CLIC5: variants seen among roughly 807,000 people sequenced by gnomAD.
CLIC5 encodes CLIC family member 5.
Under a neutral mutation model 24.7 loss-of-function variants are expected in CLIC5, and 20 were observed. The ratio of observed to expected loss-of-function variants is 0.81; its 90% confidence interval spans 0.57 to 1.18. The LOEUF (loss-of-function observed/expected upper bound fraction) is 1.18. Among genes scored for constraint, CLIC5 ranks in the 50% most tolerant of loss-of-function variants. The pLI is 0.00. For missense variants in CLIC5, 341 were observed against 326.1 expected (o/e 1.05, Z -0.35); for synonymous variants, 159 against 135.6 (o/e 1.17, Z -1.20).
Position 45,956,345 on chromosome 6 carries a change from T to TG in CLIC5, c.64-1102dup, listed in dbSNP as rs199568476. On this transcript the variant is annotated intron_variant, in intron 1 of 5. Coordinates refer to ENST00000339561, the MANE Select transcript of CLIC5 (RefSeq NM_016929.5). ...CTGATGTTGGCTGCCCTGGAAACCATGGCCCCCGCAGGTGGCCTGGCAGGG... is the reference window on the plus strand; with the variant it reads ...CTGATGTTGGCTGCCCTGGAAACCATGGGCCCCCGCAGGTGGCCTGGCAGGG... 1.9e-3 allele frequency among the ~76,000 whole-genome samples: 294 copies of TG among 152,264 alleles called. 10 individuals carry two copies. The East Asian group carries it at 0.052, about 27-fold the overall frequency.
At chr6:45,967,119 C>T (rs1053364441) in intron 1 of CLIC5, among the ~76,000 whole-genome samples, 2 of 152,222 alleles carry the variant, frequency 1.3e-5, no homozygotes, top group South Asian at 2.1e-4. Flanking sequence ...GCAGGGTCCT[C>T]ATAAGGTCCT....
intron 1 of CLIC5, among the ~76,000 whole-genome samples, chr6:45,958,419 C>T (rs1764716871): frequency 1.5e-5 from 1 of 66,962 alleles, no homozygotes; most frequent in African/African-American, 6.1e-5. Context: ...GTCAAAAAGA[C>T]AATTATATAT....
upstream of CLIC5, among the ~76,000 whole-genome samples, chr6:46,083,008 T>A (rs1762956616): frequency 6.6e-6 from 1 of 152,222 alleles, no homozygotes; most frequent in Admixed American, 6.5e-5. Context: ...TGAATACGTA[T>A]TTGTTGAATG....
the CLIC5 span, among the ~76,000 whole-genome samples, chr6:46,115,210 A>G: frequency 1.3e-4 from 20 of 152,294 alleles, no homozygotes; most frequent in South Asian, 4.1e-3. Context: ...CAATGACACC[A>G]CTATCATCCA....
At chr6:45,981,805 A>T (rs1765576999) in intron 1 of CLIC5, among the ~76,000 whole-genome samples, 1 of 152,134 alleles carries the variant, frequency 6.6e-6, no homozygotes. Context: ...CAAGATCAGC[A>T]TGGCCAACAT....
At chr6:45,959,088 C>G (rs577579818) in intron 1 of CLIC5, among the ~76,000 whole-genome samples, 6 of 152,272 alleles carry the variant, frequency 3.9e-5, no homozygotes, top group African/African-American at 1.4e-4. Context: ...TGTGAATGAC[C>G]TTAGATAAGT....
intron 6 of CLIC5, among the ~76,000 whole-genome samples, chr6:45,891,019 C>T (rs138509971): frequency 6.6e-6 from 1 of 151,950 alleles, no homozygotes; most frequent in Non-Finnish European, 1.5e-5. Flanking sequence ...CACAGCACAA[C>T]GATTATAGTT....
At chr6:46,027,768 C>T (rs1055803408) in intron 1 of CLIC5, among the ~76,000 whole-genome samples, 3 of 152,072 alleles carry the variant, frequency 2.0e-5, no homozygotes, top group African/African-American at 7.2e-5. Context: ...CTCAAAATTC[C>T]TCACACTTGG....
intron 4 of CLIC5, among the ~76,000 whole-genome samples, chr6:45,923,561 T>G (rs113134918): frequency 6.6e-6 from 1 of 152,236 alleles, no homozygotes; most frequent in Non-Finnish European, 1.5e-5. Flanking sequence ...GCCCATTCTT[T>G]TATTTGTTAA....
intron 1 of CLIC5, among the ~76,000 whole-genome samples, chr6:46,043,591 T>A (rs530836652): frequency 6.6e-6 from 1 of 152,174 alleles, no homozygotes; most frequent in Non-Finnish European, 1.5e-5. Context: ...GTGGAGAAAG[T>A]TGTTTCAAAG....
chr6:46,101,332 A>C, the CLIC5 span, among the ~76,000 whole-genome samples: 3 of 152,220 alleles, frequency 2.0e-5, no homozygotes, highest in Non-Finnish European at 4.4e-5. Flanking sequence ...CCTATAACTA[A>C]GCAGGTAATT....
upstream of CLIC5, among the ~76,000 whole-genome samples, chr6:46,081,549 A>G (rs1262487187): frequency 1.3e-5 from 2 of 152,202 alleles, no homozygotes; most frequent in Admixed American, 1.3e-4. Flanking sequence ...AGAGACTTCA[A>G]AGGCTATTGA....
At chr6:45,948,899 A>G (rs1396020331) in intron 3 of CLIC5, among the ~76,000 whole-genome samples, 2 of 152,070 alleles carry the variant, frequency 1.3e-5, no homozygotes, top group African/African-American at 4.8e-5. Flanking sequence ...TCTGGTTCTG[A>G]AATGAAGGAA....
chr6:45,977,447 A>G (rs1296512132), intron 1 of CLIC5, among the ~76,000 whole-genome samples: 2 of 152,158 alleles, frequency 1.3e-5, no homozygotes, highest in African/African-American at 2.4e-5. Context: ...CATCTTTTGT[A>G]AATTAAAAAT....
chr6:46,017,318 TA>T (rs567100419), upstream of CLIC5, among the ~76,000 whole-genome samples: 5 of 152,142 alleles, frequency 3.3e-5, no homozygotes, highest in East Asian at 5.8e-4. Context: ...TATCGCTTAA[TA>T]AAAAAATAAG....
intron 1 of CLIC5, among the ~76,000 whole-genome samples, chr6:46,032,826 CA>C (rs1767545002): frequency 6.6e-6 from 1 of 152,008 alleles, no homozygotes; most frequent in African/African-American, 2.4e-5. Flanking sequence ...GAATACATTA[CA>C]TAACACAAAA....
intron 1 of CLIC5, among the ~76,000 whole-genome samples, chr6:45,995,030 G>A (rs1581838717): frequency 6.6e-6 from 1 of 152,276 alleles, no homozygotes; most frequent in East Asian, 1.9e-4. Flanking sequence ...GGGATGGGAA[G>A]AAAGAATTAA....
chr6:46,035,239 T>C (rs944396044), intron 1 of CLIC5, among the ~76,000 whole-genome samples: 1 of 152,304 alleles, frequency 6.6e-6, no homozygotes, highest in East Asian at 1.9e-4. Context: ...CTGTTTTATA[T>C]TGTCTTTCTT....
upstream of CLIC5, among the ~76,000 whole-genome samples, chr6:46,019,931 C>A (rs1767129154): frequency 1.3e-5 from 2 of 151,638 alleles, no homozygotes; most frequent in Admixed American, 1.3e-4. Flanking sequence ...GAAACAATAG[C>A]TGATGGAACT....
Sources: allele counts gnomAD v4.1 joint callset (sites outside exome capture counted in the v4.1 genomes callset), GRCh38; gene constraint gnomAD v4.1.1; transcripts MANE v1.5; gene names NCBI Gene and HGNC (gene_info 2026-07-23, HGNC 2026-07-21).